Variants in MAST4 observed in about 807,000 individuals in gnomAD.
MAST4 encodes the protein microtubule associated serine/threonine kinase family member 4, also known as microtubule-associated serine/threonine-protein kinase 4.
In MAST4, 89 loss-of-function variants were observed where a neutral mutation model predicts 162.7. That is an observed-to-expected ratio of 0.55 (90% CI 0.46 to 0.65). The LOEUF (loss-of-function observed/expected upper bound fraction) is 0.65, where lower values mean the gene tolerates loss of function less well. MAST4 is among the 30% of genes least tolerant of loss of function. MAST4 has a pLI of 0.00. For synonymous variants in MAST4, 1,479 were observed against 1,361.1 expected (o/e 1.09, Z -1.91); for missense variants, 3,153 against 3,374.0 (o/e 0.93, Z 1.62).
intron 1 of MAST4, among the ~76,000 whole-genome samples, chr5:66,691,536 T>C (rs547375225): frequency 3.3e-5 from 5 of 152,176 alleles, no homozygotes; most frequent in African/African-American, 7.2e-5. Context: ...GGGTGACTTA[T>C]AAACAACAGA....
At chr5:67,066,611 G>T (rs1034001251) in intron 5 of MAST4, among the ~76,000 whole-genome samples, 5 of 151,922 alleles carry the variant, frequency 3.3e-5, no homozygotes, top group African/African-American at 4.8e-5. Flanking sequence ...TGCCATAACT[G>T]CCTCCCCCTA....
chr5:66,747,914 C>A (rs1009758397), intron 1 of MAST4, among the ~76,000 whole-genome samples: 1 of 152,268 alleles, frequency 6.6e-6, no homozygotes, highest in South Asian at 2.1e-4. Flanking sequence ...GAGGGAAAAT[C>A]ACTATGAGTT....
intron 1 of MAST4, among the ~76,000 whole-genome samples, chr5:66,721,515 C>T (rs1327064260): frequency 2.7e-5 from 4 of 148,822 alleles, no homozygotes; most frequent in African/African-American, 1.0e-4. Flanking sequence ...TTCTCACTCT[C>T]CTTTGCTGGT....
Position 66,646,928 on chromosome 5 carries a change from TTAAAA to T in MAST4, c.363+49914_363+49918del, listed in dbSNP as rs953497728. 1.6e-4 allele frequency among the ~76,000 whole-genome samples: 24 copies of T among 152,218 alleles called. 1 individual carries two copies. The highest frequency in any genetic ancestry group is 5.9e-5 in the Non-Finnish European group (4 of 68,022). On this transcript the variant is annotated intron_variant, in intron 1 of 28. Transcript: ENST00000403625. The stretch of plus-strand genomic sequence containing the variant: ...CAATGTGATTGAAAATTTAAATGAC[TTAAAA>T]TAACCTTTAAATAAGATGTCTTTCT...
chr5:67,014,507 G>A (rs915209209), intron 4 of MAST4, among the ~76,000 whole-genome samples: 1 of 152,164 alleles, frequency 6.6e-6, no homozygotes, highest in African/African-American at 2.4e-5. Flanking sequence ...GATGTCTGGG[G>A]TTACGTATTT....
chr5:66,973,103 C>T (rs1217576956), intron 4 of MAST4, among the ~76,000 whole-genome samples: 2 of 152,020 alleles, frequency 1.3e-5, no homozygotes, highest in Non-Finnish European at 2.9e-5. Flanking sequence ...ATTTTTTTCT[C>T]CTGGACCATT....
intron 3 of MAST4, among the ~76,000 whole-genome samples, chr5:66,895,690 A>G (rs1477236804): frequency 6.6e-6 from 1 of 152,132 alleles, no homozygotes; most frequent in South Asian, 2.1e-4. Flanking sequence ...TCTCACCTAC[A>G]GTATTTCTAT....
At chr5:67,007,357 A>G (rs1165664499) in intron 4 of MAST4, among the ~76,000 whole-genome samples, 2 of 152,204 alleles carry the variant, frequency 1.3e-5, no homozygotes, top group African/African-American at 2.4e-5. Context: ...GCCATCCTCG[A>G]TAAGGGTGTC....
chr5:66,780,251 T>C (rs977703886), intron 2 of MAST4, among the ~76,000 whole-genome samples: 11 of 149,496 alleles, frequency 7.4e-5, no homozygotes, highest in African/African-American at 2.4e-4. Context: ...TGTAAACCAC[T>C]GTTACACTTT....
intron 3 of MAST4, among the ~76,000 whole-genome samples, chr5:66,817,111 C>T (rs762505371): frequency 3.9e-5 from 6 of 152,088 alleles, no homozygotes; most frequent in Non-Finnish European, 8.8e-5. Context: ...TTTGTTTATC[C>T]ATGTGTCTTG....
intron 1 of MAST4, among the ~76,000 whole-genome samples, chr5:66,707,637 C>T (rs1750221027): frequency 1.3e-5 from 2 of 152,060 alleles, no homozygotes; most frequent in Admixed American, 6.6e-5. Context: ...GAACACCTGT[C>T]ATATTGGATT....
In MAST4 at chr5:66,915,266, CAA is replaced by C. The variant is rs70987147; in HGVS notation, c.674+15305_674+15306del. ...GGGCTTCAGAGTGAGACTCTTGTCT[CAA>C]AAAAAAAAAAAAAAAAAAAATCAAG... On this transcript the variant is annotated intron_variant, in intron 4 of 28. Transcript: ENST00000403625. 4.3e-3 allele frequency among the ~76,000 whole-genome samples: 357 copies of C among 83,604 alleles called. 1 individual carries two copies. Among genetic ancestry groups the C allele is most frequent in the East Asian group, 0.035 (101 of 2,876 alleles). 54.8% of individuals were successfully genotyped at this position (83,604 alleles called of 152,430 possible). A position where few individuals can be genotyped will look rare whatever the true frequency, so the allele number is the denominator to read the frequency against.
chr5:66,710,059 G>C (rs1580259298), intron 1 of MAST4, among the ~76,000 whole-genome samples: 1 of 152,196 alleles, frequency 6.6e-6, no homozygotes, highest in Admixed American at 6.5e-5. Context: ...TCCTTACTTT[G>C]CTGAAGTCGG....
intron 3 of MAST4, among the ~76,000 whole-genome samples, chr5:66,859,924 CTT>C (rs1232678891): frequency 6.6e-6 from 1 of 152,182 alleles, no homozygotes; most frequent in African/African-American, 2.4e-5. Context: ...GAGCAATAGA[CTT>C]TGGTTTAAGT....
intron 4 of MAST4, among the ~76,000 whole-genome samples, chr5:66,910,133 C>G (rs966034080): frequency 6.6e-6 from 1 of 152,166 alleles, no homozygotes; most frequent in Admixed American, 6.5e-5. Context: ...AAGGGTAGAC[C>G]TCACAGAGTT....
chr5:66,806,875 A>T (rs1201700439), intron 3 of MAST4, among the ~76,000 whole-genome samples: 1 of 151,940 alleles, frequency 6.6e-6, no homozygotes, highest in Non-Finnish European at 1.5e-5. Context: ...GTGTGATTCT[A>T]ATTTCTTCCT....
At chr5:66,661,854 A>G (rs71632576) in intron 1 of MAST4, among the ~76,000 whole-genome samples, 10,764 of 152,294 alleles carry the variant, frequency 0.071, 445 homozygotes, top group Admixed American at 0.11. Context: ...ATTGAGTTCT[A>G]AGAGCTGTGG....
chr5:66,830,896 G>A (rs1477328544), intron 3 of MAST4, among the ~76,000 whole-genome samples: 4 of 152,136 alleles, frequency 2.6e-5, no homozygotes, highest in Non-Finnish European at 5.9e-5. Flanking sequence ...TGCCAATGAG[G>A]TATACCTGTG....
chr5:67,075,113 A>G (rs974101767), intron 5 of MAST4, among the ~76,000 whole-genome samples: 10 of 150,378 alleles, frequency 6.6e-5, no homozygotes, highest in African/African-American at 2.2e-4. Flanking sequence ...CTAGAAATGT[A>G]TATGTCTGCT....
Sources: gnomAD v4.1 joint callset for allele counts (sites outside exome capture counted in the v4.1 genomes callset) on GRCh38, gnomAD v4.1.1 for gene constraint, MANE v1.5 for transcripts, NCBI Gene and HGNC (gene_info 2026-07-23, HGNC 2026-07-21) for gene names.